Variants in MAP3K2 observed in about 807,000 individuals in gnomAD.
MAP3K2 encodes the protein MAP/ERK kinase kinase 2.
A neutral mutation model predicts 80.3 loss-of-function variants in MAP3K2; 24 were observed. The observed-to-expected ratio is 0.30, with a 90% CI of 0.22 to 0.42. The LOEUF (loss-of-function observed/expected upper bound fraction) is 0.42, where lower values mean the gene tolerates loss of function less well. Among genes scored for constraint, MAP3K2 ranks in the 10% least tolerant of loss-of-function variants. MAP3K2 has a pLI of 1.00. For synonymous variants in MAP3K2, 244 were observed against 253.7 expected, an observed-to-expected ratio of 0.96 and a Z score of 0.36; for missense variants, 608 against 750.1, an observed-to-expected ratio of 0.81 and a Z score of 2.21.
chr2:127,331,049 T>A (rs1206782787), intron 5 of MAP3K2, among the ~76,000 whole-genome samples: 1 of 152,112 alleles, frequency 6.6e-6, no homozygotes, highest in Non-Finnish European at 1.5e-5. Context: ...AGAGTTCTTC[T>A]CTCTGAGCCT....
chr2:127,351,112 A>G lies in MAP3K2; in HGVS notation c.-65-7918T>C, dbSNP rs181370811. 1.9e-4 allele frequency among the ~76,000 whole-genome samples: 29 copies of G among 152,280 alleles called. No individual in the cohort carries two copies. In the East Asian group the frequency reaches 5.6e-3, roughly 29 times the overall value. ...CGTTATGGCTGTTCTAGATTGAAAT[A>G]CATCAAAAAGACACAACAACTAAAT... On this transcript the variant is annotated intron_variant, in intron 1 of 16. Coordinates refer to ENST00000682094, the MANE Select transcript of MAP3K2 (RefSeq NM_001371910.2).
chr2:127,387,013 G>C (rs1403812013), intron 1 of MAP3K2, among the ~76,000 whole-genome samples: 1 of 152,070 alleles, frequency 6.6e-6, no homozygotes, highest in Non-Finnish European at 1.5e-5. Context: ...ACAACTGCCG[G>C]GCGCAGACTA....
chr2:127,306,614 A>T lies in MAP3K2; in HGVS notation c.*965T>A, dbSNP rs1685704660. The T allele has an allele frequency of 6.6e-6, 1 of 152,238 alleles. No individual in the cohort carries two copies. The highest frequency in any genetic ancestry group is 1.5e-5 in the Non-Finnish European group (1 of 68,042). The allele number at this position is 152,238 out of a possible 1,614,324, so 9.4% of individuals were successfully genotyped here. A position where few individuals can be genotyped will look rare whatever the true frequency, so the allele number is the denominator to read the frequency against. ...CTATGGGGAATCAGGAGCTGGAAAT[A>T]GAAGATGGTATACATGATTTTGATT... On this transcript the variant is annotated 3_prime_UTR_variant, in exon 17 of 17. Coordinates refer to ENST00000682094, the MANE Select transcript of MAP3K2 (RefSeq NM_001371910.2). The surrounding 1 kb of genome is among the most constrained non-coding windows in gnomAD (Gnocchi z 4.7).
intron 1 of MAP3K2, among the ~76,000 whole-genome samples, chr2:127,358,760 C>T (rs1330087817): frequency 2.0e-5 from 3 of 152,016 alleles, no homozygotes; most frequent in Non-Finnish European, 4.4e-5. Context: ...TGGCAAAACC[C>T]GTCTCTACTA....
chr2:127,350,905 A>G (rs1198559597), intron 1 of MAP3K2, among the ~76,000 whole-genome samples: 1 of 152,172 alleles, frequency 6.6e-6, no homozygotes, highest in East Asian at 1.9e-4. Context: ...ATTAAAAAAA[A>G]GTGCCAACTG....
chr2:127,361,341 G>A (rs1456556951), intron 1 of MAP3K2, among the ~76,000 whole-genome samples: 2 of 146,512 alleles, frequency 1.4e-5, no homozygotes, highest in East Asian at 2.0e-4. Context: ...AAAATTAAAA[G>A]GGAATTTAAA....
At chr2:127,333,150 T>A (rs1055257705) in intron 5 of MAP3K2, among the ~76,000 whole-genome samples, 4 of 132,270 alleles carry the variant, frequency 3.0e-5, no homozygotes, top group African/African-American at 5.5e-5. Flanking sequence ...AAAAAAAAAA[T>A]TCCTGCTCTA....
chr2:127,308,661 A>G lies in MAP3K2; in HGVS notation c.1558T>C (p.Ser520Pro), dbSNP rs1685754745. ...ATCCAGTATGGTGTGCCCGTGACAG[A>G]CTTCATTCCTGTCCCTGAGAGACAG... ...TICLSGTGMK[S>P]VTGTPYWMSP... Residue 520 changes from serine (S) to proline (P), a missense_variant, in exon 16 of 17, where the codon TCT (serine) becomes CCT (proline). By Grantham distance (74) the Ser-to-Pro change is moderately conservative (BLOSUM62 -1). Coordinates refer to ENST00000682094, the MANE Select transcript of MAP3K2 (RefSeq NM_001371910.2). 6.2e-7 allele frequency: 1 copy of G among 1,613,722 alleles called. No individual in the cohort carries two copies. The highest frequency in any genetic ancestry group is 1.3e-5 in the African/African-American group (1 of 74,884).
intron 1 of MAP3K2, among the ~76,000 whole-genome samples, chr2:127,353,557 G>C (rs565840426): frequency 2.8e-5 from 1 of 35,706 alleles, no homozygotes; most frequent in African/African-American, 1.1e-4. Context: ...TGCCCCGTCC[G>C]GGAGGGAGGT....
chr2:127,360,086 T>C (rs1240570707), intron 1 of MAP3K2, among the ~76,000 whole-genome samples: 2 of 152,214 alleles, frequency 1.3e-5, no homozygotes, highest in African/African-American at 4.8e-5. Flanking sequence ...AGCAGATTTA[T>C]TTGTAATAGC....
chr2:127,363,242 G>A (rs1686920094), intron 1 of MAP3K2, among the ~76,000 whole-genome samples: 1 of 148,302 alleles, frequency 6.7e-6, no homozygotes, highest in South Asian at 2.1e-4. Flanking sequence ...GCCTCTCGTT[G>A]TTTGTTTATT....
intron 8 of MAP3K2, among the ~76,000 whole-genome samples, 152 bp from the exon 9 acceptor site, chr2:127,325,959 T>C (rs1485189925): frequency 2.6e-5 from 4 of 152,194 alleles, no homozygotes; most frequent in Non-Finnish European, 4.4e-5. Context: ...CTGAGAGTTG[T>C]GCAACCCTCA....
At chr2:127,375,399 A>ATTAT (rs938496672) in intron 1 of MAP3K2, among the ~76,000 whole-genome samples, 3 of 148,220 alleles carry the variant, frequency 2.0e-5, no homozygotes, top group East Asian at 2.0e-4. Flanking sequence ...ATGCTTTATT[A>ATTAT]TTATTTATTT....
intron 1 of MAP3K2, among the ~76,000 whole-genome samples, chr2:127,355,028 C>T (rs866690724): frequency 7.9e-5 from 12 of 152,046 alleles, no homozygotes; most frequent in Middle Eastern, 3.4e-3. Context: ...TAAACAACTA[C>T]AAAAAATGAA....
intron 15 of MAP3K2, among the ~76,000 whole-genome samples, chr2:127,312,859 AG>A (rs889548644): frequency 1.7e-4 from 26 of 151,914 alleles, no homozygotes; most frequent in Non-Finnish European, 3.2e-4. Context: ...CTCCTAGGGA[AG>A]ATGAGGCAGG....
chr2:127,347,939 G>A (rs954219994), intron 1 of MAP3K2, among the ~76,000 whole-genome samples: 9 of 152,084 alleles, frequency 5.9e-5, no homozygotes, highest in South Asian at 2.1e-4. Context: ...AGAAATATGA[G>A]CCACTGTTTC....
Position 127,322,074 on chromosome 2 carries a change from G to A in MAP3K2, c.1017C>T (p.Thr339=), listed in dbSNP as rs760025728. 1.7e-5 allele frequency: 27 copies of A among 1,613,268 alleles called. No individual in the cohort carries two copies. Among genetic ancestry groups the A allele is most frequent in the African/African-American group, 1.3e-4 (10 of 74,878 alleles). ...RGSDIDNPTL[T]VMDISPPSRS... is the part of the protein sequence containing the mutation. ...GGCTGGGTGGGCTGATGTCCATTAC[G>A]GTCAAAGTAGGATTGTCTATGTCAC... Residue 339 remains threonine, a synonymous_variant, in exon 12 of 17, where the codon ACC becomes ACT. Transcript: ENST00000682094. The surrounding 1 kb of genome is among the most constrained non-coding windows in gnomAD (Gnocchi z 4.2).
At chr2:127,318,038 A>C in intron 13 of MAP3K2, 131 bp downstream of exon 13, 1 of 826,504 alleles carries the variant, frequency 1.2e-6, no homozygotes, top group Non-Finnish European at 1.7e-6. Flanking sequence ...ATTTATACTA[A>C]AGAAAACTGC....
intron 1 of MAP3K2, among the ~76,000 whole-genome samples, chr2:127,351,451 CAA>C (rs1686690073): frequency 6.6e-6 from 1 of 152,014 alleles, no homozygotes; most frequent in Admixed American, 6.5e-5. Context: ...AAAACAAAAA[CAA>C]AGTGAAAAAA....
Sources: allele counts gnomAD v4.1 joint callset (sites outside exome capture counted in the v4.1 genomes callset), GRCh38; gene constraint gnomAD v4.1.1; non-coding constraint Gnocchi (gnomAD v3.1); transcripts MANE v1.5; gene names NCBI Gene and HGNC (gene_info 2026-07-23, HGNC 2026-07-21).